Variants in RNF150 observed in about 807,000 individuals in gnomAD.
RNF150 encodes the protein ring finger protein 150.
RNF150 carries 24 observed loss-of-function variants against 39.3 expected under a neutral mutation model. The observed-to-expected ratio is 0.61, with a 90% CI of 0.44 to 0.86. RNF150 has a LOEUF of 0.86. Among genes scored for constraint, RNF150 ranks in the 40% least tolerant of loss-of-function variants. The pLI is 0.00. For missense variants in RNF150, 502 were observed against 587.8 expected (o/e 0.85, Z 1.51); for synonymous variants, 255 against 227.3 (o/e 1.12, Z -1.10).
At position 140,955,402 on chromosome 4, in the gene RNF150, C is replaced by G. The variant is rs139639264; in HGVS notation, c.736-6030G>C. The stretch of plus-strand genomic sequence containing the variant: ...GGCTTCAAAGTTAGAAGACCCAGCT[C>G]TTTGTCCTATTTTTGTCACTAGCTA... On this transcript the variant is annotated intron_variant, in intron 2 of 6. Coordinates refer to ENST00000515673, the MANE Select transcript of RNF150 (RefSeq NM_020724.2). 4.0e-3 allele frequency among the ~76,000 whole-genome samples: 602 copies of G among 152,248 alleles called. 5 individuals are homozygous for G. The highest frequency in any genetic ancestry group is 0.014 in the African/African-American group (578 of 41,530).
At chr4:141,131,622 GA>G (rs1352143950) in intron 1 of RNF150, among the ~76,000 whole-genome samples, 3 of 152,184 alleles carry the variant, frequency 2.0e-5, no homozygotes, top group Non-Finnish European at 2.9e-5. Context: ...ATTCTAGCCA[GA>G]AAGAAAACCT....
intron 6 of RNF150, among the ~76,000 whole-genome samples, chr4:140,881,480 G>A (rs921787228): frequency 6.6e-6 from 1 of 152,000 alleles, no homozygotes; most frequent in Non-Finnish European, 1.5e-5. Context: ...TACTTCTTTT[G>A]TTGCCTCCCA....
At chr4:140,988,494 T>C (rs1734084854) in intron 1 of RNF150, among the ~76,000 whole-genome samples, 1 of 152,018 alleles carries the variant, frequency 6.6e-6, no homozygotes, top group African/African-American at 2.4e-5. Flanking sequence ...AATATATATA[T>C]ATATTTTATT....
At chr4:141,073,589 T>C (rs62324861) in intron 1 of RNF150, among the ~76,000 whole-genome samples, 8,678 of 151,834 alleles carry the variant, frequency 0.057, 257 homozygotes, top group South Asian at 0.077. Context: ...TACTTATTAT[T>C]ACTGCTCTTC....
intron 1 of RNF150, among the ~76,000 whole-genome samples, chr4:141,112,779 A>G (rs1739428509): frequency 6.6e-6 from 1 of 152,122 alleles, no homozygotes; most frequent in African/African-American, 2.4e-5. Flanking sequence ...CTGTCTTGCT[A>G]GGTTGGGGAA....
chr4:140,935,065 TATAATATATA>T (rs1286694726), intron 4 of RNF150, among the ~76,000 whole-genome samples: 15 of 63,126 alleles, frequency 2.4e-4, no homozygotes, highest in African/African-American at 1.1e-3. Context: ...ATTATATATA[TATAATATATA>T]TATAATATAT....
intron 1 of RNF150, among the ~76,000 whole-genome samples, chr4:141,097,970 C>A (rs1456603411): frequency 6.6e-6 from 1 of 152,122 alleles, no homozygotes; most frequent in Non-Finnish European, 1.5e-5. Context: ...TTTTACCCAT[C>A]TCCTTCAGAT....
At chr4:141,155,934 G>A (rs951134440) in intron 1 of RNF150, among the ~76,000 whole-genome samples, 1 of 151,384 alleles carries the variant, frequency 6.6e-6, no homozygotes, top group Non-Finnish European at 1.5e-5. Flanking sequence ...AAGTCTGGTG[G>A]TTAGTGAGGG....
intron 1 of RNF150, among the ~76,000 whole-genome samples, chr4:141,042,366 A>G (rs1736404130): frequency 6.6e-6 from 1 of 152,128 alleles, no homozygotes; most frequent in Non-Finnish European, 1.5e-5. Flanking sequence ...TTTGACATCA[A>G]ATTCCTTTGA....
At position 140,867,560 on chromosome 4, in the gene RNF150, T is replaced by C. The variant is rs1728758029; in HGVS notation, c.*701A>G. Reference sequence around the variant, plus strand: ...CAAGTGGAAGCAAGTGTGATGTGGCTTAAAATAACCAGCAGTGGCCTCAGC... The same window carrying C: ...CAAGTGGAAGCAAGTGTGATGTGGCCTAAAATAACCAGCAGTGGCCTCAGC... On this transcript the variant is annotated 3_prime_UTR_variant, in exon 7 of 7. Transcript: ENST00000515673. The C allele has an allele frequency of 6.6e-6, 1 of 152,176 alleles. No homozygotes were observed. Among genetic ancestry groups the C allele is most frequent in the South Asian group, 2.1e-4 (1 of 4,820 alleles). 9.4% of individuals were successfully genotyped at this position (152,176 alleles called of 1,614,324 possible). A position where few individuals can be genotyped will look rare whatever the true frequency, so the allele number is the denominator to read the frequency against.
chr4:140,932,142 A>T (rs1252966588), intron 4 of RNF150, among the ~76,000 whole-genome samples: 1 of 152,202 alleles, frequency 6.6e-6, no homozygotes, highest in East Asian at 1.9e-4. Flanking sequence ...TCACTCAGGT[A>T]CCTGAGAATC....
intron 1 of RNF150, among the ~76,000 whole-genome samples, chr4:141,090,910 C>T (rs1481221824): frequency 2.0e-5 from 3 of 152,240 alleles, no homozygotes; most frequent in South Asian, 4.1e-4. Context: ...ATAAAAGCTA[C>T]AGATACTATA....
chr4:141,184,833 T>A (rs1413097765), intron 1 of RNF150, among the ~76,000 whole-genome samples: 1 of 151,576 alleles, frequency 6.6e-6, no homozygotes, highest in Admixed American at 6.6e-5. Flanking sequence ...GCATTATTTC[T>A]GAGGCCTCTG....
At chr4:141,210,149 A>G (rs1298988695) in intron 1 of RNF150, among the ~76,000 whole-genome samples, 1 of 152,186 alleles carries the variant, frequency 6.6e-6, no homozygotes, top group Non-Finnish European at 1.5e-5. Context: ...TTTTTCTATG[A>G]GACCACTTCT....
chr4:141,193,246 A>G (rs1728144339), intron 1 of RNF150, among the ~76,000 whole-genome samples: 2 of 152,242 alleles, frequency 1.3e-5, no homozygotes, highest in South Asian at 4.1e-4. Context: ...TAAGCATTCA[A>G]TAAATGTTTG....
chr4:140,872,418 G>A (rs1728983216), intron 6 of RNF150, among the ~76,000 whole-genome samples: 2 of 152,110 alleles, frequency 1.3e-5, no homozygotes, highest in African/African-American at 4.8e-5. Flanking sequence ...TCTTCTTTTG[G>A]TTGTTACATA....
chr4:141,183,969 C>T (rs1479490457), intron 1 of RNF150, among the ~76,000 whole-genome samples: 1 of 152,122 alleles, frequency 6.6e-6, no homozygotes. Flanking sequence ...AATAAACATA[C>T]GTGTGCATGT....
chr4:141,094,356 T>C (rs1738699074), intron 1 of RNF150, among the ~76,000 whole-genome samples: 1 of 152,230 alleles, frequency 6.6e-6, no homozygotes, highest in African/African-American at 2.4e-5. Context: ...TAACTGTATA[T>C]TGATTTCTCA....
At chr4:141,030,539 G>T (rs1714998071) in intron 1 of RNF150, among the ~76,000 whole-genome samples, 1 of 152,076 alleles carries the variant, frequency 6.6e-6, no homozygotes, top group South Asian at 2.1e-4. Flanking sequence ...CAATAGCCAA[G>T]ATATGAAATT....
Sources: gnomAD v4.1 joint callset for allele counts (sites outside exome capture counted in the v4.1 genomes callset) on GRCh38, gnomAD v4.1.1 for gene constraint, MANE v1.5 for transcripts, NCBI Gene and HGNC (gene_info 2026-07-23, HGNC 2026-07-21) for gene names.